Variants in ITPRID2 observed in about 807,000 individuals in gnomAD.
ITPRID2 encodes ITPR interacting domain containing 2.
In ITPRID2, 60 loss-of-function variants were observed where a neutral mutation model predicts 124.3. The ratio of observed to expected loss-of-function variants is 0.48; its 90% CI spans 0.39 to 0.60. The LOEUF is 0.60. Ranked by LOEUF, ITPRID2 falls within the 20% of genes least tolerant of loss-of-function variation. ITPRID2 has a pLI of 0.00. For missense variants in ITPRID2, 1,553 were observed against 1,512.2 expected (o/e 1.03, Z -0.45); for synonymous variants, 521 against 542.9 (o/e 0.96, Z 0.56).
chr2:181,919,483 A>C lies in ITPRID2; in HGVS notation c.3144+37A>C. The C allele has an allele frequency of 6.6e-7, 1 of 1,506,488 alleles. No homozygotes were observed. Among genetic ancestry groups the C allele is most frequent in the Non-Finnish European group, 8.8e-7 (1 of 1,132,678 alleles). The allele number at this position is 1,506,488 out of a possible 1,614,324, so 93.3% of individuals were successfully genotyped here. On this transcript the variant is annotated intron_variant, in intron 14 of 17. Coordinates refer to ENST00000431877, the MANE Select transcript of ITPRID2 (RefSeq NM_001130445.3). The surrounding 1 kb of genome is among the most constrained non-coding windows in gnomAD (Gnocchi z 4.2). Reference sequence around the variant, plus strand: ...GGAGGGTGGTCGGAGTTTTCACCAAAGGTTTATTTATAATGTTCCAATAAT... The same window carrying C: ...GGAGGGTGGTCGGAGTTTTCACCAACGGTTTATTTATAATGTTCCAATAAT...
chr2:181,917,767 T>A (rs905620795), intron 11 of ITPRID2: 5 of 152,212 alleles, frequency 3.3e-5, no homozygotes, highest in African/African-American at 1.2e-4. Context: ...ACATGGCTGA[T>A]TTTGTGTTTT....
intron 14 of ITPRID2, among the ~76,000 whole-genome samples, chr2:181,920,125 A>G (rs1694375209): frequency 1.3e-5 from 2 of 152,186 alleles, no homozygotes; most frequent in African/African-American, 4.8e-5. Context: ...GAAATAGTGA[A>G]TTATTCTTTG....
rs1334078271 is a variant in ITPRID2, at chr2:181,918,855, T to C, written c.2966T>C (p.Val989Ala). The C allele has an allele frequency of 1.2e-6, 2 of 1,614,048 alleles. No homozygotes were observed. The highest frequency in any genetic ancestry group is 4.5e-5 in the East Asian group (2 of 44,880). Reference protein sequence around the residue: ...ELAMLRQQTMVYHHMTEEERF... With the variant: ...ELAMLRQQTMAYHHMTEEERF... ...GCAATGCTGCGTCAGCAAACCATGGTTTATCATCATATGACTGAGGAGGAG... is the reference window on the plus strand; with the variant it reads ...GCAATGCTGCGTCAGCAAACCATGGCTTATCATCATATGACTGAGGAGGAG... The change falls in exon 13 of 18, where the codon GTT becomes GCT. Residue 989 changes from valine to alanine, a missense_variant. Val to Ala is a moderately conservative substitution (Grantham distance 64, BLOSUM62 0). Transcript: ENST00000431877.
At chr2:181,917,264 G>A (rs1022923860) in intron 11 of ITPRID2, 1 of 152,732 alleles carries the variant, frequency 6.5e-6, no homozygotes, top group Non-Finnish European at 1.5e-5. Flanking sequence ...TAGAATGAAT[G>A]TAATAGACCT....
chr2:181,918,311 GTTT>G (rs1023334623), intron 11 of ITPRID2: 1 of 1,141,182 alleles, frequency 8.8e-7, no homozygotes, highest in African/African-American at 1.6e-5. Flanking sequence ...TTTTGATTTT[GTTT>G]TTTTTTAGTT....
At position 181,922,203 on chromosome 2, in the gene ITPRID2, A is replaced by G. The variant is rs1477100728; in HGVS notation, c.3466A>G (p.Thr1156Ala). The G allele has an allele frequency of 6.2e-7, 1 of 1,614,140 alleles. No homozygotes were observed. Among genetic ancestry groups the G allele is most frequent in the Non-Finnish European group, 8.5e-7 (1 of 1,180,048 alleles). Reference sequence around the variant, plus strand: ...AGTGTTCCGAGCATCGGTGGCTCTAACGCCAACAGCTCCTTCTAGAACAGG... The same window carrying G: ...AGTGTTCCGAGCATCGGTGGCTCTAGCGCCAACAGCTCCTTCTAGAACAGG... ...KKVFRASVALTPTAPSRTGSV... is the reference protein window; with the variant it reads ...KKVFRASVALAPTAPSRTGSV... Residue 1156 changes from threonine to alanine, a missense_variant, in exon 16 of 18, where the codon ACG (threonine) becomes GCG (alanine). By Grantham distance (58) the Thr-to-Ala change is moderately conservative (BLOSUM62 0). Coordinates refer to ENST00000431877, the MANE Select transcript of ITPRID2 (RefSeq NM_001130445.3).
intron 8 of ITPRID2, among the ~76,000 whole-genome samples, chr2:181,906,766 C>T (rs764968354): frequency 7.9e-5 from 12 of 151,780 alleles, no homozygotes; most frequent in Admixed American, 2.0e-4. Flanking sequence ...AAAAAAAATA[C>T]GGATATTTAT....
rs1574197761 is a variant in ITPRID2, at chr2:181,896,031, A to G, written c.259A>G (p.Thr87Ala). The G allele has an allele frequency of 5.6e-6, 9 of 1,612,638 alleles. No individual in the cohort carries two copies. Among genetic ancestry groups the G allele is most frequent in the Non-Finnish European group, 7.6e-6 (9 of 1,178,918 alleles). ...GCTTATACGTTTATATGGTTTCAGT[A>G]CACCTTTGGGAGCCTCACTGGATGA... is the stretch of plus-strand genomic sequence containing the variant. ...KIAIWLKDCR[T>A]PLGASLDEQS... Residue 87 changes from threonine to alanine, a missense_variant and splice_region_variant, in exon 3 of 18, where the codon ACA (threonine) becomes GCA (alanine). Transcript: ENST00000431877. The surrounding 1 kb of genome is among the most constrained non-coding windows in gnomAD (Gnocchi z 4.3).
At chr2:181,924,326 T>C (rs1455728792) in intron 16 of ITPRID2, among the ~76,000 whole-genome samples, 1 of 152,252 alleles carries the variant, frequency 6.6e-6, no homozygotes, top group Non-Finnish European at 1.5e-5. Context: ...GTTTTCTGTT[T>C]ATAAAGTATT....
At chr2:181,899,166 C>G in intron 6 of ITPRID2, 54 bp downstream of exon 6, 1 of 1,259,820 alleles carries the variant, frequency 7.9e-7, no homozygotes, top group Non-Finnish European at 1.1e-6. Flanking sequence ...ATGACCTACT[C>G]TTATCATTTT....
chr2:181,898,709 T>A, intron 4 of ITPRID2, 171 bp from the exon 5 acceptor site: 1 of 619,608 alleles, frequency 1.6e-6, no homozygotes. Flanking sequence ...CCTGTTCTTA[T>A]CTATCTGTAT....
chr2:181,916,965 C>CA, intron 11 of ITPRID2: 1 of 986,932 alleles, frequency 1.0e-6, no homozygotes, highest in Middle Eastern at 5.2e-4. Flanking sequence ...CCACTGGACT[C>CA]AAAGACTGGA....
intron 16 of ITPRID2, among the ~76,000 whole-genome samples, chr2:181,927,707 T>TC (rs1224489368): frequency 2.0e-5 from 3 of 152,174 alleles, no homozygotes; most frequent in Non-Finnish European, 4.4e-5. Context: ...TACCTTGCTG[T>TC]CAGTTGGCAT....
Position 181,892,089 on chromosome 2 carries a change from C to T in ITPRID2, c.23C>T (p.Ser8Leu). The T allele has an allele frequency of 6.4e-7, 1 of 1,554,822 alleles. No individual in the cohort carries two copies. Among genetic ancestry groups the T allele is most frequent in the South Asian group, 1.2e-5 (1 of 84,410 alleles). ...GCCATGGACCGGCCCCTGTCGTCGTCGGCGGAGGCGGAGGAGGAACTGGAG... is the reference window on the plus strand; with the variant it reads ...GCCATGGACCGGCCCCTGTCGTCGTTGGCGGAGGCGGAGGAGGAACTGGAG... MDRPLSS[S>L]AEAEEELEWQ... Residue 8 changes from serine to leucine, a missense_variant, in exon 1 of 18, where the codon TCG becomes TTG. Coordinates refer to ENST00000431877, the MANE Select transcript of ITPRID2 (RefSeq NM_001130445.3). The surrounding 1 kb of genome is among the most constrained non-coding windows in gnomAD (Gnocchi z 5.2).
intron 6 of ITPRID2, 60 bp downstream of exon 6, chr2:181,899,172 A>AT (rs1692459641): frequency 2.5e-6 from 3 of 1,210,828 alleles, no homozygotes; most frequent in Non-Finnish European, 1.2e-6. Flanking sequence ...TACTCTTATC[A>AT]TTTTTTCAAT....
At chr2:181,920,521 GTACATTATAATTA>G in intron 14 of ITPRID2, 63 bp from the exon 15 acceptor site, 4 of 1,063,576 alleles carry the variant, frequency 3.8e-6, no homozygotes, top group Non-Finnish European at 5.4e-6. Context: ...AAATATATAT[GTACATTATAATTA>G]TATATGCATG....
chr2:181,916,176 C>T lies in ITPRID2; in HGVS notation c.2536C>T (p.Leu846Phe), dbSNP rs546606916. ...PPPMSQSTCS[L>F]HSIHSEWQER... ...ACCAATGTCTCAGTCTACCTGTTCC[C>T]TTCATTCCATCCACTCTGAGTGGCA... Residue 846 changes from leucine (L) to phenylalanine (F), a missense_variant, in exon 11 of 18, where the codon CTT becomes TTT. Coordinates refer to ENST00000431877, the MANE Select transcript of ITPRID2 (RefSeq NM_001130445.3). The T allele has an allele frequency of 9.9e-6, 16 of 1,614,210 alleles. No individual in the cohort carries two copies. In the South Asian group the frequency reaches 1.5e-4, roughly 16 times the overall value.
Position 181,922,105 on chromosome 2 carries a change from C to T in ITPRID2, c.3368C>T (p.Ala1123Val), listed in dbSNP as rs755425998. The T allele has an allele frequency of 1.2e-6, 2 of 1,614,228 alleles. No homozygotes were observed. The highest frequency in any genetic ancestry group is 1.1e-5 in the South Asian group (1 of 91,088). The change falls in exon 16 of 18, where the codon GCT (alanine) becomes GTT (valine). Residue 1123 changes from alanine to valine, a missense_variant. Physicochemically the swap from Ala to Val is moderately conservative, Grantham distance 64. Coordinates refer to ENST00000431877, the MANE Select transcript of ITPRID2 (RefSeq NM_001130445.3). The stretch of plus-strand genomic sequence containing the variant: ...TCTGTATGTTCTGGTCCCTCTCATG[C>T]TAACAGAAGAACTGGAGTACCTTCT... ...SSSVCSGPSH[A>V]NRRTGVPSTA...
chr2:181,926,673 G>A (rs899148138), intron 16 of ITPRID2, among the ~76,000 whole-genome samples: 4 of 146,432 alleles, frequency 2.7e-5, no homozygotes, highest in Non-Finnish European at 5.9e-5. Context: ...ATATTGTACC[G>A]CTGCACTCCA....
Sources: allele counts gnomAD v4.1 joint callset (sites outside exome capture counted in the v4.1 genomes callset), GRCh38; gene constraint gnomAD v4.1.1; non-coding constraint Gnocchi (gnomAD v3.1); transcripts MANE v1.5; gene names NCBI Gene and HGNC (gene_info 2026-07-23, HGNC 2026-07-21).